The following B3GALT1 variants were observed in gnomAD, a reference collection of about 807,000 sequenced individuals.
The protein encoded by B3GALT1 is UDP-Gal:betaGlcNAc beta 1,3-galactosyltransferase, polypeptide 1.
B3GALT1 carries 10 observed loss-of-function variants against 23.2 expected under a neutral mutation model. The observed-to-expected ratio is 0.43, with a 90% CI of 0.27 to 0.73. B3GALT1 has a LOEUF of 0.73. B3GALT1 is among the 30% of genes least tolerant of loss of function. The pLI is 0.21. For synonymous variants in B3GALT1, 156 were observed against 141.5 expected (o/e 1.10, Z -0.73); for missense variants, 299 against 405.4 (o/e 0.74, Z 2.25).
intron 2 of B3GALT1, among the ~76,000 whole-genome samples, chr2:167,548,685 A>AGTGTGTGTGTGTGT (rs71031297): frequency 1.6e-3 from 225 of 144,810 alleles, no homozygotes; most frequent in Middle Eastern, 6.9e-3. Flanking sequence ...CGTGTGTGTG[A>AGTGTGTGTGTGTGT]GTGTGTGTGT....
intron 3 of B3GALT1, among the ~76,000 whole-genome samples, chr2:167,786,300 A>G (rs528468842): frequency 6.6e-6 from 1 of 152,374 alleles, no homozygotes; most frequent in East Asian, 1.9e-4. Context: ...CTTGTCTTAC[A>G]GAACTGTGAT....
At position 167,437,514 on chromosome 2, in the gene B3GALT1, ATCT is replaced by A. The variant is rs1698808857; in HGVS notation, c.-510-52662_-510-52660del. Among the ~76,000 whole-genome samples, 30 of 152,296 alleles carry A rather than the reference ATCT, an allele frequency of 2.0e-4. 2 individuals carry two copies. Among genetic ancestry groups the A allele is most frequent in the Admixed American group, 1.7e-3 (26 of 15,292 alleles). ...TTTAAAATTTGTGTCCCCTTCAGAAATCTAAAACACCATGTAATTTTCTCAGAA... is the reference window on the plus strand; with the variant it reads ...TTTAAAATTTGTGTCCCCTTCAGAAAAAAACACCATGTAATTTTCTCAGAA... On this transcript the variant is annotated intron_variant, in intron 1 of 4. Transcript: ENST00000392690.
At chr2:167,667,520 C>T (rs1686224667) in intron 3 of B3GALT1, among the ~76,000 whole-genome samples, 1 of 152,146 alleles carries the variant, frequency 6.6e-6, no homozygotes, top group Non-Finnish European at 1.5e-5. Flanking sequence ...TGGGGAAGTT[C>T]TCCTGGATAA....
intron 1 of B3GALT1, among the ~76,000 whole-genome samples, chr2:167,398,421 A>G (rs1698131102): frequency 6.6e-6 from 1 of 151,604 alleles, no homozygotes; most frequent in Admixed American, 6.6e-5. Flanking sequence ...CTTTATTTTT[A>G]TCTCTATTGC....
intron 4 of B3GALT1, among the ~76,000 whole-genome samples, chr2:167,865,284 C>T (rs1416218568): frequency 1.3e-5 from 2 of 152,154 alleles, no homozygotes; most frequent in Non-Finnish European, 2.9e-5. Context: ...TGGTGCACGC[C>T]TGTAATCCCA....
intron 1 of B3GALT1, among the ~76,000 whole-genome samples, chr2:167,345,222 G>T (rs1426963078): frequency 3.9e-5 from 6 of 151,958 alleles, no homozygotes; most frequent in African/African-American, 1.5e-4. Context: ...CCATTGATAG[G>T]AACTGAAGCT....
chr2:167,655,809 T>G (rs1280821725), intron 3 of B3GALT1, among the ~76,000 whole-genome samples: 2 of 152,196 alleles, frequency 1.3e-5, no homozygotes, highest in South Asian at 4.1e-4. Context: ...TATTGTCTAG[T>G]ACTTGTAGAA....
At chr2:167,442,222 T>A (rs1402577219) in intron 1 of B3GALT1, among the ~76,000 whole-genome samples, 1 of 152,110 alleles carries the variant, frequency 6.6e-6, no homozygotes. Context: ...TCATTTTTTA[T>A]GGCGCATAGT....
chr2:167,858,162 A>G (rs1010983533), intron 4 of B3GALT1, among the ~76,000 whole-genome samples: 6 of 152,114 alleles, frequency 3.9e-5, no homozygotes, highest in Non-Finnish European at 8.8e-5. Flanking sequence ...TCTATGTCAC[A>G]TTAGTGCTAG....
intron 3 of B3GALT1, among the ~76,000 whole-genome samples, chr2:167,688,414 A>C (rs1686651280): frequency 6.6e-6 from 1 of 152,206 alleles, no homozygotes; most frequent in Non-Finnish European, 1.5e-5. Context: ...CAAATGAAAA[A>C]ATAAGAGTCT....
intron 1 of B3GALT1, among the ~76,000 whole-genome samples, chr2:167,330,743 T>C (rs2039701076): frequency 2.0e-5 from 3 of 152,248 alleles, no homozygotes. Context: ...TGAATTGTTA[T>C]TCTGATTTCT....
chr2:167,359,192 TA>T (rs966068693), intron 1 of B3GALT1, among the ~76,000 whole-genome samples: 7 of 151,392 alleles, frequency 4.6e-5, no homozygotes, highest in Admixed American at 2.6e-4. Flanking sequence ...CTTGTAAATT[TA>T]AAAAAAAAGC....
At chr2:167,303,973 A>C (rs1031300693) in intron 1 of B3GALT1, among the ~76,000 whole-genome samples, 13 of 152,216 alleles carry the variant, frequency 8.5e-5, no homozygotes, top group African/African-American at 3.1e-4. Flanking sequence ...CCTGACAAAG[A>C]AGACTCATCA....
intron 2 of B3GALT1, among the ~76,000 whole-genome samples, chr2:167,509,571 A>G (rs932034663): frequency 1.3e-5 from 2 of 152,190 alleles, no homozygotes; most frequent in Non-Finnish European, 2.9e-5. Flanking sequence ...AGATGGCCGA[A>G]GAAGCCCTTT....
At chr2:167,584,821 G>A (rs986298624) in intron 2 of B3GALT1, among the ~76,000 whole-genome samples, 6 of 152,180 alleles carry the variant, frequency 3.9e-5, no homozygotes, top group African/African-American at 1.4e-4. Flanking sequence ...GAGCTTACTT[G>A]CCCTCTCCAG....
At chr2:167,714,535 T>G in intron 3 of B3GALT1, 1 of 1,612,844 alleles carries the variant, frequency 6.2e-7, no homozygotes, top group Non-Finnish European at 8.5e-7. Context: ...TGCCAAATGT[T>G]GTATTTGAAA....
chr2:167,297,330 A>G (rs1696366900), intron 1 of B3GALT1, among the ~76,000 whole-genome samples: 1 of 151,996 alleles, frequency 6.6e-6, no homozygotes, highest in Admixed American at 6.6e-5. Context: ...CATGTTTGTA[A>G]TGAGAATTCT....
At chr2:167,573,538 G>T (rs1684333745) in intron 2 of B3GALT1, among the ~76,000 whole-genome samples, 1 of 151,612 alleles carries the variant, frequency 6.6e-6, no homozygotes, top group South Asian at 2.1e-4. Flanking sequence ...CTTTCAATTA[G>T]ATTTTGGATT....
chr2:167,495,419 T>C (rs1699770388), intron 2 of B3GALT1, among the ~76,000 whole-genome samples: 1 of 147,584 alleles, frequency 6.8e-6, no homozygotes, highest in South Asian at 2.3e-4. Flanking sequence ...CTGCAACCTC[T>C]GCCTCCTAGG....
Sources: allele counts gnomAD v4.1 joint callset (sites outside exome capture counted in the v4.1 genomes callset), GRCh38; gene constraint gnomAD v4.1.1; transcripts MANE v1.5; gene names NCBI Gene and HGNC (gene_info 2026-07-23, HGNC 2026-07-21).